Variants in AMPH observed in about 807,000 individuals in gnomAD.
AMPH encodes amphiphysin.
AMPH carries 49 observed loss-of-function variants against 99.1 expected under a neutral mutation model. The observed-to-expected ratio is 0.49, with a 90% CI of 0.39 to 0.63. The LOEUF is 0.63. Ranked by LOEUF, AMPH falls within the 20% of genes least tolerant of loss-of-function variation. The pLI, the probability that AMPH is intolerant of heterozygous loss-of-function variation, is 0.00. For missense variants in AMPH, 759 were observed against 863.4 expected (o/e 0.88, Z 1.52); for synonymous variants, 314 against 317.3 (o/e 0.99, Z 0.11).
chr7:38,433,230 G>A (rs1456831580), intron 12 of AMPH, among the ~76,000 whole-genome samples: 3 of 152,148 alleles, frequency 2.0e-5, no homozygotes, highest in Non-Finnish European at 2.9e-5. Context: ...CACCTGGTTG[G>A]GTCCCATTCT....
intron 16 of AMPH, 27 bp from the exon 17 acceptor site, chr7:38,417,977 AG>A: frequency 6.2e-7 from 1 of 1,607,110 alleles, no homozygotes; most frequent in African/African-American, 1.3e-5. Flanking sequence ...TGAGGGTTAG[AG>A]GAAAAAGATT....
intron 17 of AMPH, among the ~76,000 whole-genome samples, chr7:38,402,132 T>C (rs1784857657): frequency 6.6e-6 from 1 of 152,222 alleles, no homozygotes; most frequent in Admixed American, 6.5e-5. Flanking sequence ...AAATCTTTTC[T>C]CATGTTATTG....
chr7:38,474,976 T>A (rs888603690), intron 7 of AMPH, among the ~76,000 whole-genome samples: 27 of 152,170 alleles, frequency 1.8e-4, no homozygotes, highest in African/African-American at 6.5e-4. Flanking sequence ...TGAAGGGCAG[T>A]CCTCCTAATG....
At chr7:38,453,395 G>C (rs186820637) in intron 11 of AMPH, among the ~76,000 whole-genome samples, 1 of 152,164 alleles carries the variant, frequency 6.6e-6, no homozygotes, top group South Asian at 2.1e-4. Context: ...CCCGGGAATA[G>C]TGTCCTCACA....
At chr7:38,581,705 G>A (rs375531957) in intron 1 of AMPH, among the ~76,000 whole-genome samples, 17 of 152,124 alleles carry the variant, frequency 1.1e-4, no homozygotes, top group Admixed American at 3.9e-4. Context: ...AGGATGTTAC[G>A]GTGTTGGTAG....
intron 14 of AMPH, 103 bp downstream of exon 14, chr7:38,429,739 A>G: frequency 5.7e-6 from 8 of 1,391,892 alleles, no homozygotes; most frequent in Non-Finnish European, 8.0e-6. Flanking sequence ...TAAATCTATG[A>G]CTAGCAATGC....
intron 1 of AMPH, among the ~76,000 whole-genome samples, chr7:38,603,506 T>C (rs193052865): frequency 6.6e-6 from 1 of 152,272 alleles, no homozygotes; most frequent in East Asian, 1.9e-4. Context: ...GGGTGCCAGA[T>C]CCTTCCTAGC....
At chr7:38,630,884 C>T (rs1054251000) in intron 1 of AMPH, among the ~76,000 whole-genome samples, 1 of 151,720 alleles carries the variant, frequency 6.6e-6, no homozygotes, top group Admixed American at 6.5e-5. Context: ...CCTGCGGGCG[C>T]GCTGGGAGCC....
rs60200785 is a variant in AMPH at position 38,541,017 on chromosome 7, TAAAAAA to T, written c.70-6012_70-6007del. Among the ~76,000 whole-genome samples the T allele has an allele frequency of 8.4e-3, 817 of 97,702 alleles. 7 individuals are homozygous for T. The highest frequency in any genetic ancestry group is 0.029 in the African/African-American group (764 of 26,556). 64.1% of individuals were successfully genotyped at this position (97,702 alleles called of 152,430 possible). On this transcript the variant is annotated intron_variant, in intron 1 of 20. Transcript: ENST00000356264. ...CCTTTCTCTTCACACTTTCTGTTCT[TAAAAAA>T]AAAAAAAAAAAAAAAAAAAGAAGAG...
chr7:38,549,502 C>T (rs2118459), intron 1 of AMPH, among the ~76,000 whole-genome samples: 142,476 of 152,344 alleles, frequency 0.94, 66,662 homozygotes, highest in East Asian at 1. Flanking sequence ...GAAGCCCAAC[C>T]TTCAGAATAC....
chr7:38,604,904 G>C (rs10271846), intron 1 of AMPH, among the ~76,000 whole-genome samples: 1 of 152,038 alleles, frequency 6.6e-6, no homozygotes, highest in Admixed American at 6.5e-5. Context: ...TTGGAGGTAC[G>C]ATGTGATTAG....
In AMPH at chr7:38,430,565, C is replaced by T. The variant is rs571722351; in HGVS notation, c.1159-700G>A. 4.6e-5 allele frequency among the ~76,000 whole-genome samples: 7 copies of T among 152,292 alleles called. No homozygotes were observed. In the East Asian group the frequency reaches 1.3e-3, roughly 29 times the overall value. On this transcript the variant is annotated intron_variant, in intron 13 of 20. Coordinates refer to ENST00000356264, the MANE Select transcript of AMPH (RefSeq NM_001635.4). ...GACGATACCTTCACCCTCTCCATACCCTCCCAGCGAGGGAAGGAAAATGTG... is the reference window on the plus strand; with the variant it reads ...GACGATACCTTCACCCTCTCCATACTCTCCCAGCGAGGGAAGGAAAATGTG...
intron 1 of AMPH, among the ~76,000 whole-genome samples, chr7:38,565,840 T>C (rs59514120): frequency 0.67 from 101,333 of 152,074 alleles, 34,168 homozygotes; most frequent in African/African-American, 0.77. Context: ...CCCATTCTTA[T>C]CTTTTCCCCT....
chr7:38,610,326 GA>G (rs11317505), intron 1 of AMPH, among the ~76,000 whole-genome samples: 22 of 27,366 alleles, frequency 8.0e-4, no homozygotes, highest in African/African-American at 3.2e-3. Context: ...GAAAAGAAAA[GA>G]AAAGAAAAAA....
At chr7:38,479,631 A>G (rs117147377) in intron 5 of AMPH, among the ~76,000 whole-genome samples, 3 of 152,232 alleles carry the variant, frequency 2.0e-5, no homozygotes, top group Non-Finnish European at 4.4e-5. Flanking sequence ...AGGAGGTGGG[A>G]ACTGAAAGTG....
chr7:38,567,502 A>G (rs1181789144), intron 1 of AMPH, among the ~76,000 whole-genome samples: 2 of 152,178 alleles, frequency 1.3e-5, no homozygotes, highest in African/African-American at 4.8e-5. Flanking sequence ...AAACCTACAC[A>G]TTGTGCACAT....
intron 1 of AMPH, among the ~76,000 whole-genome samples, chr7:38,573,401 A>G (rs1198846538): frequency 6.6e-6 from 1 of 152,224 alleles, no homozygotes; most frequent in Non-Finnish European, 1.5e-5. Context: ...ATACACTCCT[A>G]TGAGTGGCAC....
intron 11 of AMPH, among the ~76,000 whole-genome samples, chr7:38,455,716 T>C (rs935577642): frequency 6.6e-6 from 1 of 152,194 alleles, no homozygotes; most frequent in African/African-American, 2.4e-5. Context: ...CATGGGTAGC[T>C]GCCTAGGGAC....
At chr7:38,494,849 C>G (rs897970728) in intron 3 of AMPH, among the ~76,000 whole-genome samples, 2 of 152,154 alleles carry the variant, frequency 1.3e-5, no homozygotes, top group Non-Finnish European at 2.9e-5. Context: ...CAAGTGGTAT[C>G]AGATGCTAAG....
Sources: allele counts gnomAD v4.1 joint callset (sites outside exome capture counted in the v4.1 genomes callset), GRCh38; gene constraint gnomAD v4.1.1; transcripts MANE v1.5; gene names NCBI Gene and HGNC (gene_info 2026-07-23, HGNC 2026-07-21).